The following MARCHF1 variants were observed in gnomAD, a reference collection of about 807,000 sequenced individuals.
The protein encoded by MARCHF1 is membrane associated ring-CH-type finger 1, also known as E3 ubiquitin-protein ligase MARCHF1.
A neutral mutation model predicts 54.2 loss-of-function variants in MARCHF1; 40 were observed. The ratio of observed to expected loss-of-function variants is 0.74; its 90% CI spans 0.57 to 0.96. The LOEUF (loss-of-function observed/expected upper bound fraction) is 0.96, where lower values mean the gene tolerates loss of function less well. Ranked by LOEUF, MARCHF1 falls within the 40% of genes least tolerant of loss-of-function variation. MARCHF1 has a pLI of 0.00. For synonymous variants in MARCHF1, 236 were observed against 236.3 expected (o/e 1.00, Z 0.01); for missense variants, 586 against 656.5 (o/e 0.89, Z 1.17).
At chr4:163,564,214 TACA>T (rs1739566050) in intron 8 of MARCHF1, among the ~76,000 whole-genome samples, 1 of 152,228 alleles carries the variant, frequency 6.6e-6, no homozygotes, top group African/African-American at 2.4e-5. Flanking sequence ...TTTTGGAGGG[TACA>T]ACAAGAAAGG....
chr4:163,529,434 C>T (rs1458377201), intron 9 of MARCHF1, among the ~76,000 whole-genome samples: 1 of 151,880 alleles, frequency 6.6e-6, no homozygotes, highest in African/African-American at 2.4e-5. Flanking sequence ...AGTTTAAAAT[C>T]CTTCTAAGAA....
intron 3 of MARCHF1, among the ~76,000 whole-genome samples, chr4:163,967,826 G>C (rs535897667): frequency 6.6e-6 from 1 of 152,266 alleles, no homozygotes; most frequent in South Asian, 2.1e-4. Context: ...TGATGGTGTA[G>C]ATAAACTCCA....
At chr4:164,063,886 C>T (rs1023736079) in intron 2 of MARCHF1, among the ~76,000 whole-genome samples, 7 of 152,028 alleles carry the variant, frequency 4.6e-5, no homozygotes, top group African/African-American at 1.5e-4. Flanking sequence ...TATGGCTAGC[C>T]AGTTATCCCA....
chr4:163,732,892 C>T (rs1745887614), intron 4 of MARCHF1, among the ~76,000 whole-genome samples: 1 of 151,942 alleles, frequency 6.6e-6, no homozygotes, highest in Admixed American at 6.6e-5. Context: ...TGGCTCCCGC[C>T]TGTAATCCCA....
chr4:163,870,955 G>T (rs879474963), intron 3 of MARCHF1, among the ~76,000 whole-genome samples: 1 of 151,958 alleles, frequency 6.6e-6, no homozygotes, highest in Non-Finnish European at 1.5e-5. Context: ...ATAATTTATC[G>T]TATATTTTCA....
chr4:163,630,225 G>A (rs1221566106), intron 5 of MARCHF1, among the ~76,000 whole-genome samples: 1 of 152,060 alleles, frequency 6.6e-6, no homozygotes, highest in Non-Finnish European at 1.5e-5. Context: ...ACAAAATGTG[G>A]TATATTCACA....
chr4:163,575,054 G>A (rs1312373363), intron 8 of MARCHF1, among the ~76,000 whole-genome samples: 1 of 151,988 alleles, frequency 6.6e-6, no homozygotes, highest in Non-Finnish European at 1.5e-5. Flanking sequence ...ATCACTTCCA[G>A]TACTATGTTG....
At chr4:164,093,247 A>C (rs565778389) in intron 2 of MARCHF1, among the ~76,000 whole-genome samples, 1 of 152,162 alleles carries the variant, frequency 6.6e-6, no homozygotes, top group Non-Finnish European at 1.5e-5. Context: ...TTGGACTATA[A>C]CTAAAACACA....
Position 163,642,429 on chromosome 4 carries a change from A to G in MARCHF1, c.163-29036T>C, listed in dbSNP as rs181345210. On this transcript the variant is annotated intron_variant, in intron 5 of 9. Coordinates refer to ENST00000514618, the MANE Select transcript of MARCHF1 (RefSeq NM_001394959.1). ...TGAATTTACTTTCCAATTAATATGT[A>G]TAATTGTCACTATTTGCTTTAAAAT... is the stretch of plus-strand genomic sequence containing the variant. Among the ~76,000 whole-genome samples, 232 of 152,300 alleles carry G rather than the reference A, an allele frequency of 1.5e-3. No individual in the cohort carries two copies. The Middle Eastern group carries it at 0.02, about 13-fold the overall frequency.
chr4:164,147,947 C>G (rs1252503001), intron 1 of MARCHF1, among the ~76,000 whole-genome samples: 1 of 151,516 alleles, frequency 6.6e-6, no homozygotes, highest in East Asian at 1.9e-4. Context: ...ATAAATATAG[C>G]AAAGTATAAT....
chr4:163,658,029 A>G (rs952817503), intron 5 of MARCHF1, among the ~76,000 whole-genome samples: 3 of 152,126 alleles, frequency 2.0e-5, no homozygotes, highest in Admixed American at 2.0e-4. Context: ...AAAATCACCA[A>G]AAGCAATTGC....
In MARCHF1 at chr4:163,528,935, C is replaced by G. The variant is rs758068670; in HGVS notation, c.1451G>C (p.Arg484Thr). The G allele has an allele frequency of 6.2e-7, 1 of 1,613,350 alleles. No homozygotes were observed. Among genetic ancestry groups the G allele is most frequent in the Non-Finnish European group, 8.5e-7 (1 of 1,179,566 alleles). ...QCKVYVQLWR[R>T]LKAYNRVIFV... Reference sequence around the variant, plus strand: ...GATCACACGGTTGTAGGCCTTCAGCCTGCGCCACAACTGAACATAGACTTT... The same window carrying G: ...GATCACACGGTTGTAGGCCTTCAGCGTGCGCCACAACTGAACATAGACTTT... Residue 484 changes from arginine (R) to threonine (T), a missense_variant, in exon 10 of 10, where the codon AGG becomes ACG. Arg to Thr is a moderately conservative substitution (Grantham distance 71). Coordinates refer to ENST00000514618, the MANE Select transcript of MARCHF1 (RefSeq NM_001394959.1).
chr4:164,113,091 G>A (rs1322960733), intron 1 of MARCHF1, among the ~76,000 whole-genome samples: 2 of 151,676 alleles, frequency 1.3e-5, no homozygotes, highest in African/African-American at 4.8e-5. Context: ...CTGCAGTTTT[G>A]CTTATTTAAG....
chr4:163,648,388 T>C (rs1459504319), intron 5 of MARCHF1, among the ~76,000 whole-genome samples: 1 of 151,956 alleles, frequency 6.6e-6, no homozygotes, highest in East Asian at 1.9e-4. Flanking sequence ...TTAGGAGTTC[T>C]GTGTTCAATT....
chr4:163,548,650 A>G (rs1738993656), intron 8 of MARCHF1, among the ~76,000 whole-genome samples: 1 of 152,228 alleles, frequency 6.6e-6, no homozygotes, highest in Non-Finnish European at 1.5e-5. Context: ...ACTAGACAGC[A>G]CACAAGTAAA....
At chr4:163,886,352 T>G (rs1344206385) in intron 3 of MARCHF1, among the ~76,000 whole-genome samples, 1 of 150,238 alleles carries the variant, frequency 6.7e-6, no homozygotes, top group East Asian at 2.0e-4. Flanking sequence ...TAGATAGATA[T>G]AGATAGATAG....
intron 1 of MARCHF1, among the ~76,000 whole-genome samples, chr4:164,145,191 A>G (rs1189776488): frequency 7.2e-5 from 11 of 152,014 alleles, no homozygotes; most frequent in Non-Finnish European, 1.6e-4. Context: ...TAGCTTACCA[A>G]CCAAAAAGAG....
chr4:164,036,549 G>A (rs1245135458), intron 2 of MARCHF1, among the ~76,000 whole-genome samples: 1 of 152,174 alleles, frequency 6.6e-6, no homozygotes, highest in Non-Finnish European at 1.5e-5. Context: ...GAATGAAAGT[G>A]CACACAATTT....
intron 1 of MARCHF1, among the ~76,000 whole-genome samples, chr4:164,143,660 C>G (rs560920284): frequency 6.6e-6 from 1 of 152,138 alleles, no homozygotes; most frequent in Non-Finnish European, 1.5e-5. Context: ...CCTAAAAGAG[C>G]TCCTGAAAGA....
Sources: allele counts gnomAD v4.1 joint callset (sites outside exome capture counted in the v4.1 genomes callset), GRCh38; gene constraint gnomAD v4.1.1; transcripts MANE v1.5; gene names NCBI Gene and HGNC (gene_info 2026-07-23, HGNC 2026-07-21).